The following KIF26A variants were observed in gnomAD, a reference collection of about 807,000 sequenced individuals.
The protein encoded by KIF26A is kinesin-like protein KIF26A.
KIF26A carries 74 observed loss-of-function variants against 126.0 expected under a neutral mutation model. That is an observed-to-expected ratio of 0.59 (90% confidence interval 0.49 to 0.71). KIF26A has a LOEUF of 0.71. Among genes scored for constraint, KIF26A ranks in the 30% least tolerant of loss-of-function variants. The pLI is 0.00. For missense variants in KIF26A, 2,984 were observed against 2,763.3 expected, an observed-to-expected ratio of 1.08 and a Z score of -1.79; for synonymous variants, 1,445 against 1,232.7, an observed-to-expected ratio of 1.17 and a Z score of -3.61.
intron 3 of KIF26A, among the ~76,000 whole-genome samples, chr14:104,156,807 C>T (rs1053021332): frequency 1.5e-4 from 23 of 152,318 alleles, no homozygotes; most frequent in South Asian, 4.1e-4. Flanking sequence ...GACCAGCCCA[C>T]GTCCCCTCAG....
Position 104,176,069 on chromosome 14 carries a change from G to T in KIF26A, c.3281G>T (p.Gly1094Val), listed in dbSNP as rs200288460. ...DAYTSQAPEG[G>V]PLEGAAWAGS... Reference sequence around the variant, plus strand: ...TACACCTCTCAGGCCCCTGAGGGGGGGCCCCTGGAGGGGGCAGCCTGGGCC... The same window carrying T: ...TACACCTCTCAGGCCCCTGAGGGGGTGCCCCTGGAGGGGGCAGCCTGGGCC... The change falls in exon 12 of 15, where the codon GGG (glycine) becomes GTG (valine). Residue 1094 changes from glycine to valine, a missense_variant. Physicochemically the swap from Gly to Val is moderately radical, Grantham distance 109. Transcript: ENST00000423312. 31 of 1,595,786 alleles carry T rather than the reference G, an allele frequency of 1.9e-5. No homozygotes were observed. The highest frequency in any genetic ancestry group is 3.3e-4 in the Middle Eastern group (2 of 6,036).
At position 104,177,128 on chromosome 14, in the gene KIF26A, G is replaced by T; in HGVS notation, c.4340G>T (p.Ser1447Ile). 6.3e-7 allele frequency: 1 copy of T among 1,597,674 alleles called. No homozygotes were observed. Among genetic ancestry groups the T allele is most frequent in the Non-Finnish European group, 8.5e-7 (1 of 1,179,322 alleles). ...SLERYEGLAH[S>I]SSKGREAPGR... ...GAGCGGTACGAAGGCCTGGCGCACA[G>T]CAGCAGCAAGGGCCGGGAAGCCCCT... Residue 1447 changes from serine (S) to isoleucine (I), a missense_variant, in exon 12 of 15, where the codon AGC (serine) becomes ATC (isoleucine). By Grantham distance (142) the Ser-to-Ile change is moderately radical. Transcript: ENST00000423312.
At position 104,157,797 on chromosome 14, in the gene KIF26A, C is replaced by T. The variant is rs751694499; in HGVS notation, c.778C>T (p.Arg260Ter). The T allele has an allele frequency of 6.2e-7, 1 of 1,610,278 alleles. No individual in the cohort carries two copies. Among genetic ancestry groups the T allele is most frequent in the Admixed American group, 1.7e-5 (1 of 59,824 alleles). ...VAAVAVADTV[R>*]ECPPVAGPDG... The stretch of plus-strand genomic sequence containing the variant: ...GGCCGTGGCGGTGGCAGACACGGTC[C>T]GAGAATGCCCCCCCGTGGCCGGCCC... The change falls in exon 4 of 15, where the codon CGA becomes TGA. Residue 260 changes from arginine (R) to a stop codon, truncating the protein, a stop_gained. Coordinates refer to ENST00000423312, the MANE Select transcript of KIF26A (RefSeq NM_015656.2). LOFTEE classifies it high-confidence loss of function.
chr14:104,154,993 A>G (rs940216342), intron 3 of KIF26A, among the ~76,000 whole-genome samples: 2 of 151,846 alleles, frequency 1.3e-5, no homozygotes, highest in Non-Finnish European at 2.9e-5. Flanking sequence ...AGATCTTTGA[A>G]CTCAGGGCTG....
Position 104,179,710 on chromosome 14 carries a change from C to T in KIF26A, c.5569C>T (p.His1857Tyr), listed in dbSNP as rs1319181068. 1 of 1,551,366 alleles carries T rather than the reference C, an allele frequency of 6.4e-7. No individual in the cohort carries two copies. The highest frequency in any genetic ancestry group is 8.7e-7 in the Non-Finnish European group (1 of 1,147,738). ...LEQCVNLCKA[H>Y]VMMVTCFDIS... ...GCAGTGCGTGAACCTGTGCAAGGCG[C>T]ACGTCATGATGGTCACCTGCTTCGA... The change falls in exon 15 of 15, where the codon CAC (histidine) becomes TAC (tyrosine). Residue 1857 changes from histidine to tyrosine, a missense_variant. His to Tyr is a moderately conservative substitution (Grantham distance 83). Coordinates refer to ENST00000423312, the MANE Select transcript of KIF26A (RefSeq NM_015656.2).
chr14:104,175,536 G>T lies in KIF26A; in HGVS notation c.2748G>T (p.Lys916Asn). The T allele has an allele frequency of 6.2e-7, 1 of 1,602,370 alleles. No individual in the cohort carries two copies. Among genetic ancestry groups the T allele is most frequent in the Non-Finnish European group, 8.5e-7 (1 of 1,179,098 alleles). The change falls in exon 12 of 15, where the codon AAG becomes AAT. Residue 916 changes from lysine (K) to asparagine (N), a missense_variant. By Grantham distance (94) the Lys-to-Asn change is moderately conservative (BLOSUM62 0). Transcript: ENST00000423312. Reference protein sequence around the residue: ...DTHQGTPEPCKAIVWGDQRED... With the variant: ...DTHQGTPEPCNAIVWGDQRED... ...ACCAGGGTACCCCTGAGCCCTGCAAGGCCATTGTCTGGGGTGACCAGAGAG... is the reference window on the plus strand; with the variant it reads ...ACCAGGGTACCCCTGAGCCCTGCAATGCCATTGTCTGGGGTGACCAGAGAG...
rs376830254 is a variant in KIF26A, at chr14:104,177,873, C to A, written c.5085C>A (p.Leu1695=). The change falls in exon 12 of 15, where the codon CTC becomes CTA. Residue 1695 remains leucine (L), a synonymous_variant. Coordinates refer to ENST00000423312, the MANE Select transcript of KIF26A (RefSeq NM_015656.2). ...AASPGARTRS[L]KSPKKRATGL... is the part of the protein sequence containing the mutation. Reference sequence around the variant, plus strand: ...CCCCAGGCGCCCGCACCCGCAGCCTCAAGTCCCCCAAGAAGAGGGCCACAG... The same window carrying A: ...CCCCAGGCGCCCGCACCCGCAGCCTAAAGTCCCCCAAGAAGAGGGCCACAG... The A allele has an allele frequency of 6.5e-7, 1 of 1,548,652 alleles. No homozygotes were observed. Among genetic ancestry groups the A allele is most frequent in the Admixed American group, 1.8e-5 (1 of 54,544 alleles).
chr14:104,176,644 G>A lies in KIF26A; in HGVS notation c.3856G>A (p.Gly1286Arg), dbSNP rs200718356. Residue 1286 changes from glycine (G) to arginine (R), a missense_variant, in exon 12 of 15, where the codon GGG becomes AGG. Transcript: ENST00000423312. The part of the protein sequence containing the change: ...MLACAQRVVD[G>R]CEVAARAARR... ...AGCCTGTGCCCAGAGAGTGGTGGAC[G>A]GGTGTGAGGTGGCAGCCAGGGCGGC... 739 of 1,602,790 alleles carry A rather than the reference G, an allele frequency of 4.6e-4. 4 individuals carry two copies. The African/African-American group carries it at 8.3e-3, about 18-fold the overall frequency.
Position 104,173,518 on chromosome 14 carries a change from G to A in KIF26A, c.1867+5G>A, listed in dbSNP as rs1475446665. On this transcript the variant is annotated splice_donor_5th_base_variant and intron_variant, in intron 9 of 14. Transcript: ENST00000423312. ...AGAAGTGCGGCCGGGGAGGAAGTAG[G>A]TGCCACACCCGCACTCCCGGGCCCC... The A allele has an allele frequency of 3.2e-6, 5 of 1,551,086 alleles. No homozygotes were observed. The Admixed American group carries it at 7.4e-5, about 23-fold the overall frequency.
chr14:104,162,324 A>G (rs934359821), intron 4 of KIF26A, among the ~76,000 whole-genome samples: 3 of 152,164 alleles, frequency 2.0e-5, no homozygotes, highest in Non-Finnish European at 2.9e-5. Flanking sequence ...TGATGGAACC[A>G]CAGAGGACGC....
chr14:104,179,480 G>C, intron 14 of KIF26A, 94 bp downstream of exon 14: 3 of 1,426,270 alleles, frequency 2.1e-6, no homozygotes, highest in Non-Finnish European at 2.8e-6. Context: ...CCTGTACCTC[G>C]TGGTGGGAAG....
At chr14:104,157,209 A>C (rs2037787871) in intron 3 of KIF26A, among the ~76,000 whole-genome samples, 1 of 152,066 alleles carries the variant, frequency 6.6e-6, no homozygotes, top group Non-Finnish European at 1.5e-5. Flanking sequence ...CCTTTCTGGG[A>C]TTTATTTGAG....
rs778795859 is a variant in KIF26A, at chr14:104,172,555, T to C, written c.1327-20T>C. On this transcript the variant is annotated intron_variant, in intron 6 of 14. Transcript: ENST00000423312. The stretch of plus-strand genomic sequence containing the variant: ...AGAAGGAAGGGGCCACAGCCCTGCC[T>C]GATTCTCTTGCCCCCCTAGGCCGAA... 6 of 1,599,968 alleles carry C rather than the reference T, an allele frequency of 3.8e-6. No homozygotes were observed. Among genetic ancestry groups the C allele is most frequent in the South Asian group, 3.3e-5 (3 of 90,254 alleles).
At position 104,177,125 on chromosome 14, in the gene KIF26A, A is replaced by G; in HGVS notation, c.4337A>G (p.His1446Arg). The G allele has an allele frequency of 6.3e-7, 1 of 1,597,676 alleles. No individual in the cohort carries two copies. The highest frequency in any genetic ancestry group is 1.1e-5 in the South Asian group (1 of 91,002). The change falls in exon 12 of 15, where the codon CAC becomes CGC. Residue 1446 changes from histidine to arginine, a missense_variant. Transcript: ENST00000423312. ...ASLERYEGLA[H>R]SSSKGREAPG... ...CTGGAGCGGTACGAAGGCCTGGCGC[A>G]CAGCAGCAGCAAGGGCCGGGAAGCC...
Position 104,177,154 on chromosome 14 carries a change from G to T in KIF26A, c.4366G>T (p.Gly1456Trp). The change falls in exon 12 of 15, where the codon GGG (glycine) becomes TGG (tryptophan). Residue 1456 changes from glycine to tryptophan, a missense_variant. Physicochemically the swap from Gly to Trp is radical, Grantham distance 184. Transcript: ENST00000423312. ...CAGCAGCAAGGGCCGGGAAGCCCCT[G>T]GGCGGCCTCCCCGGGCTGTACCCAA... The part of the protein sequence containing the change: ...HSSSKGREAP[G>W]RPPRAVPKLG... 1 of 1,597,806 alleles carries T rather than the reference G, an allele frequency of 6.3e-7. No individual in the cohort carries two copies. Among genetic ancestry groups the T allele is most frequent in the Non-Finnish European group, 8.5e-7 (1 of 1,179,298 alleles).
At chr14:104,150,262 CCTCAGCGAATCTCCGAAGCA>C (rs962353861) in intron 2 of KIF26A, among the ~76,000 whole-genome samples, 3 of 147,806 alleles carry the variant, frequency 2.0e-5, no homozygotes, top group African/African-American at 7.4e-5. Context: ...TTGTGGCTGA[CCTCAGCGAATCTCCGAAGCA>C]GCAGGAGGGA....
Position 104,177,832 on chromosome 14 carries a change from G to A in KIF26A, c.5044G>A (p.Glu1682Lys), listed in dbSNP as rs755143102. Residue 1682 changes from glutamate (E) to lysine (K), a missense_variant, in exon 12 of 15, where the codon GAG becomes AAG. Coordinates refer to ENST00000423312, the MANE Select transcript of KIF26A (RefSeq NM_015656.2). ...CTCCTCCGCCCCTGACTCCATGAGC[G>A]AGAGTGGGGCTGCCTCCCCAGGCGC... ...SASSAPDSMS[E>K]SGAASPGART... 2.5e-6 allele frequency: 4 copies of A among 1,569,374 alleles called. No homozygotes were observed. The highest frequency in any genetic ancestry group is 1.1e-5 in the South Asian group (1 of 87,152).
rs552936960 is a variant in KIF26A, at chr14:104,179,348, G to A, written c.5429G>A (p.Gly1810Asp). Residue 1810 changes from glycine (G) to aspartate (D), a missense_variant, in exon 14 of 15, where the codon GGC (glycine) becomes GAC (aspartate). Physicochemically the swap from Gly to Asp is moderately conservative, Grantham distance 94. Coordinates refer to ENST00000423312, the MANE Select transcript of KIF26A (RefSeq NM_015656.2). ...HLCEELAETQ[G>D]RLMLEPGRWL... Reference sequence around the variant, plus strand: ...TGTGAGGAGCTGGCCGAGACCCAGGGCCGGCTGATGCTGGAGCCTGGCCGC... The same window carrying A: ...TGTGAGGAGCTGGCCGAGACCCAGGACCGGCTGATGCTGGAGCCTGGCCGC... 1.3e-6 allele frequency: 2 copies of A among 1,538,552 alleles called. No homozygotes were observed. The highest frequency in any genetic ancestry group is 1.7e-6 in the Non-Finnish European group (2 of 1,145,624).
chr14:104,146,111 G>C (rs1193333032), intron 2 of KIF26A, among the ~76,000 whole-genome samples: 1 of 152,222 alleles, frequency 6.6e-6, no homozygotes, highest in African/African-American at 2.4e-5. Context: ...TGTGGCCTGA[G>C]GCAGGTGTCT....
Sources: allele counts gnomAD v4.1 joint callset (sites outside exome capture counted in the v4.1 genomes callset), GRCh38; gene constraint gnomAD v4.1.1; transcripts MANE v1.5; gene names NCBI Gene and HGNC (gene_info 2026-07-23, HGNC 2026-07-21).